The following RASGEF1A variants were observed in gnomAD, a reference collection of about 807,000 sequenced individuals.
The protein encoded by RASGEF1A is RasGEF domain family member 1A, also known as ras-GEF domain-containing family member 1A.
A neutral mutation model predicts 56.4 loss-of-function variants in RASGEF1A; 18 were observed. That is an observed-to-expected ratio of 0.32 (90% CI 0.22 to 0.47). RASGEF1A has a LOEUF of 0.47. Ranked by LOEUF, RASGEF1A falls within the 20% of genes least tolerant of loss-of-function variation. RASGEF1A has a pLI of 1.00. For synonymous variants in RASGEF1A, 245 were observed against 242.6 expected, an observed-to-expected ratio of 1.01 and a Z score of -0.09; for missense variants, 422 against 627.1, an observed-to-expected ratio of 0.67 and a Z score of 3.49.
At chr10:43,252,789 G>A (rs1270873588) in intron 1 of RASGEF1A, among the ~76,000 whole-genome samples, 1 of 152,050 alleles carries the variant, frequency 6.6e-6, no homozygotes, top group African/African-American at 2.4e-5. Flanking sequence ...GGCTCCCTCT[G>A]CTGCACACCC....
chr10:43,239,633 C>T (rs1367431515), intron 1 of RASGEF1A, among the ~76,000 whole-genome samples: 2 of 152,208 alleles, frequency 1.3e-5, no homozygotes, highest in Non-Finnish European at 2.9e-5. Context: ...AAAAGTAGGA[C>T]CCCACATTCA....
Position 43,206,041 on chromosome 10 carries a change from C to G in RASGEF1A, c.76G>C (p.Glu26Gln). 6.2e-7 allele frequency: 1 copy of G among 1,609,886 alleles called. No homozygotes were observed. Among genetic ancestry groups the G allele is most frequent in the South Asian group, 1.1e-5 (1 of 90,326 alleles). Residue 26 changes from glutamate to glutamine, a missense_variant, in exon 2 of 13, where the codon GAG becomes CAG. Coordinates refer to ENST00000395810, the MANE Select transcript of RASGEF1A (RefSeq NM_145313.4). ...CSGQVQPGMG[E>Q]RGGGAGGGSG... The stretch of plus-strand genomic sequence containing the variant: ...CCGCCACCGGCCCCGCCTCCACGCT[C>G]CCCCATGCCAGGCTGCACCTGTCCG...
chr10:43,227,348 G>A (rs369757941), intron 1 of RASGEF1A, among the ~76,000 whole-genome samples: 37 of 152,180 alleles, frequency 2.4e-4, no homozygotes, highest in African/African-American at 8.7e-4. Flanking sequence ...TGTGACCCTG[G>A]GTTGTGCTGT....
intron 1 of RASGEF1A, among the ~76,000 whole-genome samples, chr10:43,216,374 G>C (rs181370955): frequency 6.6e-6 from 1 of 152,352 alleles, no homozygotes; most frequent in East Asian, 1.9e-4. Context: ...GGATGCAGCA[G>C]GTGATTCCTG....
intron 1 of RASGEF1A, chr10:43,208,571 G>A (rs1840027091): frequency 4.1e-6 from 4 of 985,600 alleles, no homozygotes; most frequent in Non-Finnish European, 3.6e-6. Context: ...ATCCCTTTGG[G>A]GAGTCAGCAG....
At chr10:43,204,490 C>A (rs2133188199) in intron 2 of RASGEF1A, among the ~76,000 whole-genome samples, 1 of 152,358 alleles carries the variant, frequency 6.6e-6, no homozygotes, top group African/African-American at 2.4e-5. Context: ...CTCTCAGGGT[C>A]CCCCTTCTAA....
Position 43,196,445 on chromosome 10 carries a change from A to G in RASGEF1A, c.1421+31T>C. Reference sequence around the variant, plus strand: ...CCACCCTGAGTCCTCCCTCTTCCTTACAGACTCCCATGTTCCTGACGCCCT... The same window carrying G: ...CCACCCTGAGTCCTCCCTCTTCCTTGCAGACTCCCATGTTCCTGACGCCCT... On this transcript the variant is annotated intron_variant, in intron 12 of 12. Transcript: ENST00000395810. The surrounding 1 kb of genome is among the most constrained non-coding windows in gnomAD (Gnocchi z 4.6). 1 of 1,606,878 alleles carries G rather than the reference A, an allele frequency of 6.2e-7. No individual in the cohort carries two copies. The highest frequency in any genetic ancestry group is 8.5e-7 in the Non-Finnish European group (1 of 1,173,652).
intron 1 of RASGEF1A, among the ~76,000 whole-genome samples, chr10:43,213,593 T>C (rs1840096072): frequency 6.6e-6 from 1 of 152,200 alleles, no homozygotes; most frequent in African/African-American, 2.4e-5. Flanking sequence ...ATGACATTCC[T>C]TTTTGCAGCC....
At chr10:43,216,629 G>T (rs1323790832) in intron 1 of RASGEF1A, among the ~76,000 whole-genome samples, 1 of 152,186 alleles carries the variant, frequency 6.6e-6, no homozygotes, top group Non-Finnish European at 1.5e-5. Context: ...CCCAGGGGCT[G>T]CCCCACCCAG....
chr10:43,238,642 G>C (rs1443949723), intron 1 of RASGEF1A, among the ~76,000 whole-genome samples: 1 of 152,164 alleles, frequency 6.6e-6, no homozygotes, highest in African/African-American at 2.4e-5. Flanking sequence ...TGCAGGGCAG[G>C]GGAGAGGCTG....
At chr10:43,212,191 C>T (rs1403041438) in intron 1 of RASGEF1A, among the ~76,000 whole-genome samples, 1 of 152,178 alleles carries the variant, frequency 6.6e-6, no homozygotes, top group Non-Finnish European at 1.5e-5. Flanking sequence ...TTCACAGAGC[C>T]TCCCCAGAGA....
chr10:43,258,382 G>A (rs1242033547), intron 1 of RASGEF1A, among the ~76,000 whole-genome samples: 1 of 152,202 alleles, frequency 6.6e-6, no homozygotes, highest in African/African-American at 2.4e-5. Flanking sequence ...TATGGCAGCA[G>A]GAGGGTGAAG....
At chr10:43,212,639 C>A (rs1348234761) in intron 1 of RASGEF1A, among the ~76,000 whole-genome samples, 1 of 152,224 alleles carries the variant, frequency 6.6e-6, no homozygotes, top group Admixed American at 6.5e-5. Context: ...CAGCCCAGCA[C>A]AAGTGCTCAC....
At chr10:43,260,267 G>A (rs1025949097) in intron 1 of RASGEF1A, among the ~76,000 whole-genome samples, 1 of 151,620 alleles carries the variant, frequency 6.6e-6, no homozygotes, top group Admixed American at 6.6e-5. Context: ...CACCGGCAGG[G>A]TGGACCGAGG....
At chr10:43,254,043 C>A (rs1227864867) in intron 1 of RASGEF1A, among the ~76,000 whole-genome samples, 1 of 152,216 alleles carries the variant, frequency 6.6e-6, no homozygotes, top group Non-Finnish European at 1.5e-5. Flanking sequence ...TCCCCACCCT[C>A]AGGCCCACAG....
Position 43,229,541 on chromosome 10 carries a change from C to G in RASGEF1A, c.-6-23419G>C, listed in dbSNP as rs958744212. ...TCCTCAGGGCGGGCACCCTCCCGCA[C>G]GGGTCGGGATGCAGGGGACCGTCGC... On this transcript the variant is annotated intron_variant, in intron 1 of 12. Coordinates refer to ENST00000395810, the MANE Select transcript of RASGEF1A (RefSeq NM_145313.4). 9.1e-6 allele frequency: 10 copies of G among 1,094,074 alleles called. No homozygotes were observed. The African/African-American group carries it at 1.7e-4, about 18-fold the overall frequency. 67.8% of individuals were successfully genotyped at this position (1,094,074 alleles called of 1,614,324 possible). A position where few individuals can be genotyped will look rare whatever the true frequency, so the allele number is the denominator to read the frequency against.
chr10:43,243,672 T>A (rs1403943055), intron 1 of RASGEF1A, among the ~76,000 whole-genome samples: 2 of 120,082 alleles, frequency 1.7e-5, no homozygotes, highest in Non-Finnish European at 3.5e-5. Flanking sequence ...GCCCGGCCGC[T>A]CTTCGTCTGG....
At chr10:43,208,314 T>C (rs931104749) in intron 1 of RASGEF1A, 1 of 985,622 alleles carries the variant, frequency 1.0e-6, no homozygotes, top group Non-Finnish European at 1.2e-6. Context: ...GGGGATGCAC[T>C]CTGACACCCC....
At position 43,196,145 on chromosome 10, in the gene RASGEF1A, AC is replaced by A; in HGVS notation, c.*98del. On this transcript the variant is annotated 3_prime_UTR_variant, in exon 13 of 13. Transcript: ENST00000395810. This position sits in a 1 kb window ranked among gnomAD's most constrained non-coding sequence, Gnocchi z 4.6. ...CTCATAAAAGTTATATACAAAATGGACCCCAACCAGTGAGGCCTCCTCATCT... is the reference window on the plus strand; with the variant it reads ...CTCATAAAAGTTATATACAAAATGGACCCAACCAGTGAGGCCTCCTCATCT... The A allele has an allele frequency of 1.8e-6, 2 of 1,108,292 alleles. No homozygotes were observed. The highest frequency in any genetic ancestry group is 1.3e-6 in the Non-Finnish European group (1 of 752,786). The allele number at this position is 1,108,292 out of a possible 1,614,324, so 68.7% of individuals were successfully genotyped here.
Sources: allele counts gnomAD v4.1 joint callset (sites outside exome capture counted in the v4.1 genomes callset), GRCh38; gene constraint gnomAD v4.1.1; non-coding constraint Gnocchi (gnomAD v3.1); transcripts MANE v1.5; gene names NCBI Gene and HGNC (gene_info 2026-07-23, HGNC 2026-07-21).